Variants in SMPDL3B observed in about 807,000 individuals in gnomAD.
The protein encoded by SMPDL3B is acid sphingomyelinase-like phosphodiesterase 3b.
SMPDL3B carries 31 observed loss-of-function variants against 37.9 expected under a neutral mutation model. The ratio of observed to expected loss-of-function variants is 0.82; its 90% CI spans 0.61 to 1.10. The LOEUF (loss-of-function observed/expected upper bound fraction) is 1.10. Among genes scored for constraint, SMPDL3B ranks in the 50% least tolerant of loss-of-function variants. SMPDL3B has a pLI of 0.00. For synonymous variants in SMPDL3B, 235 were observed against 242.6 expected, an observed-to-expected ratio of 0.97 and a Z score of 0.29; for missense variants, 525 against 597.8, an observed-to-expected ratio of 0.88 and a Z score of 1.27.
chr1:27,947,579 C>T (rs2090421030), intron 2 of SMPDL3B, among the ~76,000 whole-genome samples: 1 of 140,546 alleles, frequency 7.1e-6, no homozygotes, highest in African/African-American at 2.7e-5. Context: ...AATTGCGCCA[C>T]TGCACTCCAG....
At position 27,945,973 on chromosome 1, in the gene SMPDL3B, G is replaced by A. The variant is rs910411413; in HGVS notation, c.275+528G>A. Among the ~76,000 whole-genome samples, 4 of 152,172 alleles carry A rather than the reference G, an allele frequency of 2.6e-5. No individual in the cohort carries two copies. The highest frequency in any genetic ancestry group is 2.6e-4 in the Admixed American group (4 of 15,278). ...GCTTGAGGGCCGATCCCACTCAGCC[G>A]CAGAGACCCAGTTTCTGCTTCCTGT... On this transcript the variant is annotated intron_variant, in intron 2 of 7. Coordinates refer to ENST00000373894, the MANE Select transcript of SMPDL3B (RefSeq NM_014474.4). The surrounding 1 kb of genome is among the most constrained non-coding windows in gnomAD (Gnocchi z 4.0).
In SMPDL3B at chr1:27,958,972, GCC is replaced by G; in HGVS notation, c.*137_*138del. The G allele has an allele frequency of 9.1e-7, 1 of 1,102,362 alleles. No individual in the cohort carries two copies. The highest frequency in any genetic ancestry group is 1.3e-6 in the Non-Finnish European group (1 of 796,904). 68.3% of individuals were successfully genotyped at this position (1,102,362 alleles called of 1,614,324 possible). A position where few individuals can be genotyped will look rare whatever the true frequency, so the allele number is the denominator to read the frequency against. Reference sequence around the variant, plus strand: ...TAGGACAACCGAATCAGGAAGCGAAGCCCCAGGAGCTGCAGCCATCCGTGATC... The same window carrying G: ...TAGGACAACCGAATCAGGAAGCGAAGCCAGGAGCTGCAGCCATCCGTGATC... On this transcript the variant is annotated 3_prime_UTR_variant, in exon 8 of 8. Coordinates refer to ENST00000373894, the MANE Select transcript of SMPDL3B (RefSeq NM_014474.4). The surrounding 1 kb of genome is among the most constrained non-coding windows in gnomAD (Gnocchi z 5.6).
Position 27,954,966 on chromosome 1 carries a change from A to G in SMPDL3B, c.690+440A>G, listed in dbSNP as rs1176181458. 2.0e-5 allele frequency among the ~76,000 whole-genome samples: 3 copies of G among 152,166 alleles called. No homozygotes were observed. In the East Asian group the frequency reaches 5.8e-4, roughly 29 times the overall value. The stretch of plus-strand genomic sequence containing the variant: ...CTCATTTGCCCAAGTCCTTGCACTG[A>G]CCAGCCCATCCCAAGAGGATCTCAC... On this transcript the variant is annotated intron_variant, in intron 5 of 7. Coordinates refer to ENST00000373894, the MANE Select transcript of SMPDL3B (RefSeq NM_014474.4).
intron 1 of SMPDL3B, 71 bp downstream of exon 1, chr1:27,935,315 G>A (rs766097843): frequency 2.2e-5 from 27 of 1,210,572 alleles, no homozygotes; most frequent in South Asian, 6.3e-5. Flanking sequence ...GAAGCTGCTC[G>A]CAGCCAGCTT....
At chr1:27,940,182 C>T (rs111446951) in intron 1 of SMPDL3B, among the ~76,000 whole-genome samples, 1 of 152,130 alleles carries the variant, frequency 6.6e-6, no homozygotes, top group African/African-American at 2.4e-5. Flanking sequence ...TTTTTGCCTG[C>T]CCAGGGACGC....
chr1:27,956,387 A>G (rs1638281617), intron 7 of SMPDL3B: 1 of 1,282,712 alleles, frequency 7.8e-7, no homozygotes, highest in Non-Finnish European at 1.0e-6. Flanking sequence ...CTAATCTCCT[A>G]TAGCACCACT....
chr1:27,935,183 G>A lies in SMPDL3B; in HGVS notation c.-1G>A. 1 of 1,613,482 alleles carries A rather than the reference G, an allele frequency of 6.2e-7. No homozygotes were observed. The highest frequency in any genetic ancestry group is 1.1e-5 in the South Asian group (1 of 91,064). On this transcript the variant is annotated 5_prime_UTR_variant, in exon 1 of 8. Coordinates refer to ENST00000373894, the MANE Select transcript of SMPDL3B (RefSeq NM_014474.4). ...CGGCTCTGGGGAAGTGAGCCCCGAG[G>A]ATGAGGCTGCTCGCCTGGCTGATTT... is the stretch of plus-strand genomic sequence containing the variant.
At position 27,953,210 on chromosome 1, in the gene SMPDL3B, CCTAGATA is replaced by C. The variant is rs1338533068; in HGVS notation, c.374-1_379del. ...ATATTTTGATATTTCACCCTTTCTT[CCTAGATA>C]CTAAAGTCTATGCTGCTTTGGGAAA... On this transcript the variant is annotated splice_acceptor_variant and splice_polypyrimidine_tract_variant and coding_sequence_variant and intron_variant, in exon 4 of 8. Coordinates refer to ENST00000373894, the MANE Select transcript of SMPDL3B (RefSeq NM_014474.4). LOFTEE classifies it high-confidence loss of function. The C allele has an allele frequency of 1.2e-6, 2 of 1,605,956 alleles. No homozygotes were observed. Among genetic ancestry groups the C allele is most frequent in the Non-Finnish European group, 8.5e-7 (1 of 1,177,236 alleles).
At chr1:27,939,584 C>G (rs774608943) in intron 1 of SMPDL3B, among the ~76,000 whole-genome samples, 1 of 151,896 alleles carries the variant, frequency 6.6e-6, no homozygotes, top group African/African-American at 2.4e-5. Flanking sequence ...TTTGGGAGGC[C>G]GAGGCAGGCA....
At chr1:27,956,935 G>A (rs1291238145) in intron 7 of SMPDL3B, among the ~76,000 whole-genome samples, 1 of 152,012 alleles carries the variant, frequency 6.6e-6, no homozygotes, top group East Asian at 1.9e-4. Flanking sequence ...GGTATCTTGG[G>A]GAGGTGGAGG....
At position 27,958,987 on chromosome 1, in the gene SMPDL3B, G is replaced by A. The variant is rs941755339; in HGVS notation, c.*149G>A. 15 of 986,088 alleles carry A rather than the reference G, an allele frequency of 1.5e-5. No homozygotes were observed. Among genetic ancestry groups the A allele is most frequent in the African/African-American group, 3.3e-5 (2 of 60,976 alleles). 61.1% of individuals were successfully genotyped at this position (986,088 alleles called of 1,614,324 possible). On this transcript the variant is annotated 3_prime_UTR_variant, in exon 8 of 8. Coordinates refer to ENST00000373894, the MANE Select transcript of SMPDL3B (RefSeq NM_014474.4). The surrounding 1 kb of genome is among the most constrained non-coding windows in gnomAD (Gnocchi z 5.6). The stretch of plus-strand genomic sequence containing the variant: ...AGGAAGCGAAGCCCCAGGAGCTGCA[G>A]CCATCCGTGATCGCGCCACTGCACT...
chr1:27,944,012 CAAAAA>C (rs5773206), intron 1 of SMPDL3B, among the ~76,000 whole-genome samples: 1 of 92,316 alleles, frequency 1.1e-5, no homozygotes, highest in Non-Finnish European at 2.2e-5. Context: ...AACTCTGTCT[CAAAAA>C]AAAAAAAAAA....
intron 1 of SMPDL3B, among the ~76,000 whole-genome samples, chr1:27,936,934 T>C (rs527576803): frequency 3.2e-4 from 48 of 152,238 alleles, no homozygotes; most frequent in African/African-American, 1.1e-3. Flanking sequence ...AGCAGGAGAA[T>C]GGGGTAAACC....
intron 1 of SMPDL3B, among the ~76,000 whole-genome samples, chr1:27,937,958 A>G (rs2090323484): frequency 6.6e-6 from 1 of 152,178 alleles, no homozygotes. Context: ...TGCCCCTTCT[A>G]TGGCAGTAAC....
chr1:27,945,718 C>T lies in SMPDL3B; in HGVS notation c.275+273C>T, dbSNP rs922589245. ...TGGACGTGGTCCTGGCATGCCTGGGCACCCGGAGAGTGTCCAGGTTTTAAG... is the reference window on the plus strand; with the variant it reads ...TGGACGTGGTCCTGGCATGCCTGGGTACCCGGAGAGTGTCCAGGTTTTAAG... On this transcript the variant is annotated intron_variant, in intron 2 of 7. Transcript: ENST00000373894. This position sits in a 1 kb window ranked among gnomAD's most constrained non-coding sequence, Gnocchi z 4.0. Among the ~76,000 whole-genome samples, 10 of 152,162 alleles carry T rather than the reference C, an allele frequency of 6.6e-5. No homozygotes were observed. Among genetic ancestry groups the T allele is most frequent in the African/African-American group, 2.4e-4 (10 of 41,426 alleles).
intron 1 of SMPDL3B, chr1:27,936,480 A>G (rs1027819744): frequency 6.6e-6 from 1 of 151,968 alleles, no homozygotes; most frequent in Non-Finnish European, 1.5e-5. Flanking sequence ...GAAAGAAAAA[A>G]ATTCTCTTTA....
chr1:27,953,265 C>A lies in SMPDL3B; in HGVS notation c.424C>A (p.Gln142Lys), dbSNP rs1415195363. The A allele has an allele frequency of 6.2e-7, 1 of 1,613,512 alleles. No individual in the cohort carries two copies. Among genetic ancestry groups the A allele is most frequent in the Non-Finnish European group, 8.5e-7 (1 of 1,179,610 alleles). Residue 142 changes from glutamine (Q) to lysine (K), a missense_variant, in exon 4 of 8, where the codon CAG becomes AAG. By Grantham distance (53) the Gln-to-Lys change is moderately conservative (BLOSUM62 1). Coordinates refer to ENST00000373894, the MANE Select transcript of SMPDL3B (RefSeq NM_014474.4). ...LGNHDFHPKNQFPAGSNNIYN... is the reference protein window; with the variant it reads ...LGNHDFHPKNKFPAGSNNIYN... ...AAATCATGATTTTCACCCCAAAAAC[C>A]AGTTCCCAGCTGGAAGTAACAACAT...
Position 27,958,806 on chromosome 1 carries a change from G to A in SMPDL3B, c.1336G>A (p.Ala446Thr). The change falls in exon 8 of 8, where the codon GCC (alanine) becomes ACC (threonine). Residue 446 changes from alanine (A) to threonine (T), a missense_variant. Ala to Thr is a moderately conservative substitution (Grantham distance 58). Coordinates refer to ENST00000373894, the MANE Select transcript of SMPDL3B (RefSeq NM_014474.4). This position sits in a 1 kb window ranked among gnomAD's most constrained non-coding sequence, Gnocchi z 5.6. Reference protein sequence around the residue: ...PVPQLPLLLMALLGLCTLVL With the variant: ...PVPQLPLLLMTLLGLCTLVL ...GCCCCAGCTCCCGCTGCTGCTGATG[G>A]CCCTGCTGGGCCTGTGCACGCTCGT... The A allele has an allele frequency of 6.2e-7, 1 of 1,604,550 alleles. No individual in the cohort carries two copies. Among genetic ancestry groups the A allele is most frequent in the South Asian group, 1.1e-5 (1 of 90,618 alleles).
At chr1:27,940,358 C>T (rs2090346484) in intron 1 of SMPDL3B, among the ~76,000 whole-genome samples, 1 of 152,212 alleles carries the variant, frequency 6.6e-6, no homozygotes, top group Non-Finnish European at 1.5e-5. Context: ...GGCCACTCCC[C>T]ACCTTGTCCT....
Sources: allele counts gnomAD v4.1 joint callset (sites outside exome capture counted in the v4.1 genomes callset), GRCh38; gene constraint gnomAD v4.1.1; non-coding constraint Gnocchi (gnomAD v3.1); transcripts MANE v1.5; gene names NCBI Gene and HGNC (gene_info 2026-07-23, HGNC 2026-07-21).